The following LIN54 variants were observed in gnomAD, a reference collection of about 807,000 sequenced individuals.
LIN54 encodes the protein protein lin-54 homolog.
In LIN54, 9 loss-of-function variants were observed where a neutral mutation model predicts 78.7. The observed-to-expected ratio is 0.11, with a 90% CI of 0.07 to 0.20. The LOEUF is 0.20. LIN54 is among the 10% of genes least tolerant of loss of function. The pLI, the probability that LIN54 is intolerant of heterozygous loss-of-function variation, is 1.00. For synonymous variants in LIN54, 269 were observed against 318.4 expected (o/e 0.84, Z 1.65); for missense variants, 573 against 889.9 (o/e 0.64, Z 4.53).
chr4:83,000,452 A>T (rs1728659693), intron 1 of LIN54, among the ~76,000 whole-genome samples: 1 of 152,226 alleles, frequency 6.6e-6, no homozygotes, highest in African/African-American at 2.4e-5. Flanking sequence ...GAAGGCCTGG[A>T]CAATGAGAAC....
intron 1 of LIN54, among the ~76,000 whole-genome samples, chr4:83,009,958 T>C (rs1390661728): frequency 4.6e-5 from 7 of 152,122 alleles, no homozygotes; most frequent in Non-Finnish European, 8.8e-5. Context: ...ACTGAGAGTA[T>C]CTCAATTGTT....
At chr4:82,942,853 TGC>T (rs751802214) in intron 5 of LIN54, among the ~76,000 whole-genome samples, 1 of 71,450 alleles carries the variant, frequency 1.4e-5, no homozygotes, top group African/African-American at 1.1e-4. Context: ...TGTGTGCGTG[TGC>T]GCGCGCACAC....
At chr4:82,966,540 A>C (rs1257276674) in intron 4 of LIN54, among the ~76,000 whole-genome samples, 8 of 152,096 alleles carry the variant, frequency 5.3e-5, no homozygotes. Context: ...GGGGAAAAAA[A>C]ACCAACAAAA....
chr4:82,999,691 T>C (rs1728570200), intron 1 of LIN54, among the ~76,000 whole-genome samples: 3 of 146,994 alleles, frequency 2.0e-5, no homozygotes, highest in African/African-American at 7.6e-5. Context: ...GGTGGGACAA[T>C]AGCTTGAAAC....
At chr4:82,935,345 G>A (rs1192455783) in intron 11 of LIN54, among the ~76,000 whole-genome samples, 1 of 151,232 alleles carries the variant, frequency 6.6e-6, no homozygotes, top group Non-Finnish European at 1.5e-5. Flanking sequence ...CTGGAGTGCA[G>A]TGCCATGATC....
chr4:82,947,508 T>C (rs1196068191), intron 4 of LIN54, among the ~76,000 whole-genome samples: 1 of 151,296 alleles, frequency 6.6e-6, no homozygotes, highest in African/African-American at 2.4e-5. Context: ...TCCTCCTACC[T>C]CAGCTTCCCA....
At chr4:82,941,465 T>A (rs141214681) in intron 5 of LIN54, among the ~76,000 whole-genome samples, 189 of 152,310 alleles carry the variant, frequency 1.2e-3, no homozygotes, top group African/African-American at 4.4e-3. Flanking sequence ...GGTAGGACTC[T>A]GTATTTAATC....
At chr4:82,960,288 G>A (rs561231131) in intron 4 of LIN54, among the ~76,000 whole-genome samples, 5 of 146,958 alleles carry the variant, frequency 3.4e-5, no homozygotes, top group South Asian at 2.2e-4. Flanking sequence ...TCAAACTCAC[G>A]AGTAGCTAGG....
chr4:83,001,535 G>A (rs923223341), intron 1 of LIN54, among the ~76,000 whole-genome samples: 1 of 151,664 alleles, frequency 6.6e-6, no homozygotes, highest in Admixed American at 6.6e-5. Flanking sequence ...GAGCAGGAGT[G>A]AAATCCTGTC....
intron 12 of LIN54, among the ~76,000 whole-genome samples, chr4:82,929,856 C>CA (rs1044175119): frequency 1.4e-4 from 21 of 151,992 alleles, no homozygotes; most frequent in African/African-American, 1.9e-4. Context: ...ATATTTTGTA[C>CA]AAAAAAGCCT....
chr4:82,946,893 A>G (rs1390242589), intron 4 of LIN54, among the ~76,000 whole-genome samples: 1 of 152,088 alleles, frequency 6.6e-6, no homozygotes, highest in African/African-American at 2.4e-5. Context: ...AATAACTACA[A>G]CAAATTTTAT....
At chr4:82,995,885 C>A (rs1728177591) in intron 1 of LIN54, among the ~76,000 whole-genome samples, 2 of 151,750 alleles carry the variant, frequency 1.3e-5, no homozygotes, top group Non-Finnish European at 2.9e-5. Context: ...GTGGCTCACA[C>A]CTGTAATCCC....
intron 5 of LIN54, 31 bp downstream of exon 5, chr4:82,946,227 G>C (rs1358190305): frequency 6.6e-7 from 1 of 1,508,632 alleles, no homozygotes; most frequent in African/African-American, 1.4e-5. Flanking sequence ...TTAAAAGCAT[G>C]AATTACTGTT....
intron 1 of LIN54, among the ~76,000 whole-genome samples, chr4:82,990,523 G>A (rs1472096031): frequency 6.6e-6 from 1 of 151,316 alleles, no homozygotes; most frequent in Non-Finnish European, 1.5e-5. Flanking sequence ...TCACTCGGTC[G>A]CCCAGGTTGG....
chr4:82,937,365 A>AG, intron 8 of LIN54, 67 bp from the exon 9 acceptor site: 1 of 992,872 alleles, frequency 1.0e-6, no homozygotes, highest in Non-Finnish European at 1.5e-6. Flanking sequence ...TTTAGTTGCT[A>AG]CAACTAATTT....
At chr4:82,977,631 T>C (rs1051854096) in intron 3 of LIN54, among the ~76,000 whole-genome samples, 1 of 152,232 alleles carries the variant, frequency 6.6e-6, no homozygotes, top group Non-Finnish European at 1.5e-5. Context: ...CCTACCGCTA[T>C]GTTGTAAATT....
At chr4:83,008,474 C>G (rs996299740) in intron 1 of LIN54, among the ~76,000 whole-genome samples, 2 of 152,110 alleles carry the variant, frequency 1.3e-5, no homozygotes, top group African/African-American at 4.8e-5. Flanking sequence ...CATGGTGAAA[C>G]CCCGTCTCTA....
In LIN54 at chr4:82,925,313, C is replaced by T. The variant is rs1184095433; in HGVS notation, c.*2789G>A. ...CAGCCTCAACCTCTGCAGGCTCAGG[C>T]CTTCAAAGTAGCGAGGACTGCAGGT... On this transcript the variant is annotated 3_prime_UTR_variant, in exon 13 of 13. Transcript: ENST00000340417. 6.6e-6 allele frequency: 1 copy of T among 152,126 alleles called. No homozygotes were observed. Among genetic ancestry groups the T allele is most frequent in the Non-Finnish European group, 1.5e-5 (1 of 68,022 alleles). 9.4% of individuals were successfully genotyped at this position (152,126 alleles called of 1,614,324 possible). A position where few individuals can be genotyped will look rare whatever the true frequency, so the allele number is the denominator to read the frequency against.
intron 4 of LIN54, among the ~76,000 whole-genome samples, chr4:82,960,872 G>T (rs1358036099): frequency 6.6e-6 from 1 of 152,026 alleles, no homozygotes; most frequent in Non-Finnish European, 1.5e-5. Flanking sequence ...ACCAGCGTGG[G>T]CAACATGGTA....
Sources: gnomAD v4.1 joint callset for allele counts (sites outside exome capture counted in the v4.1 genomes callset) on GRCh38, gnomAD v4.1.1 for gene constraint, MANE v1.5 for transcripts, NCBI Gene and HGNC (gene_info 2026-07-23, HGNC 2026-07-21) for gene names.